The following MACROD2 variants were observed in gnomAD, a reference collection of about 807,000 sequenced individuals.
MACROD2 encodes the protein mono-ADP ribosylhydrolase 2.
MACROD2 carries 36 observed loss-of-function variants against 70.4 expected under a neutral mutation model. The observed-to-expected ratio is 0.51, with a 90% CI of 0.39 to 0.68. MACROD2 has a LOEUF of 0.68. Ranked by LOEUF, MACROD2 falls within the 30% of genes least tolerant of loss-of-function variation. The probability of loss-of-function intolerance (pLI) is 0.00; values close to 1 mark genes in which losing one functional copy is unlikely to be tolerated. For synonymous variants in MACROD2, 172 were observed against 178.8 expected (o/e 0.96, Z 0.30); for missense variants, 496 against 538.4 (o/e 0.92, Z 0.78).
intron 15 of MACROD2, among the ~76,000 whole-genome samples, chr20:16,025,331 G>A (rs2147564803): frequency 6.6e-6 from 1 of 152,272 alleles, no homozygotes; most frequent in Non-Finnish European, 1.5e-5. Flanking sequence ...TGAGATATGA[G>A]GCAAGGAGGC....
intron 3 of MACROD2, among the ~76,000 whole-genome samples, chr20:14,211,225 C>G (rs1357439567): frequency 6.6e-6 from 1 of 152,152 alleles, no homozygotes; most frequent in African/African-American, 2.4e-5. Flanking sequence ...GGCTCAGATC[C>G]TGATGTTTTC....
At chr20:15,900,765 A>G (rs2065051883) in intron 10 of MACROD2, among the ~76,000 whole-genome samples, 1 of 152,196 alleles carries the variant, frequency 6.6e-6, no homozygotes, top group Admixed American at 6.5e-5. Flanking sequence ...TCATACCCAT[A>G]GAGAAACAGT....
intron 15 of MACROD2, among the ~76,000 whole-genome samples, chr20:15,989,138 A>C (rs1272624324): frequency 6.6e-6 from 1 of 152,192 alleles, no homozygotes; most frequent in Non-Finnish European, 1.5e-5. Context: ...CATAGAATGC[A>C]CTCCATAAGT....
chr20:15,209,111 G>A (rs1055135767), intron 5 of MACROD2, among the ~76,000 whole-genome samples: 4 of 124,094 alleles, frequency 3.2e-5, no homozygotes, highest in East Asian at 2.0e-4. Flanking sequence ...TGGTGGTGGT[G>A]GTGGTATTTA....
At chr20:15,276,330 G>A (rs2146078444) in intron 6 of MACROD2, among the ~76,000 whole-genome samples, 1 of 151,812 alleles carries the variant, frequency 6.6e-6, no homozygotes, top group East Asian at 1.9e-4. Context: ...AACCCGGGAG[G>A]CGGAGCTTGC....
intron 5 of MACROD2, among the ~76,000 whole-genome samples, chr20:14,802,573 A>G (rs1354023175): frequency 6.6e-6 from 1 of 152,036 alleles, no homozygotes; most frequent in Non-Finnish European, 1.5e-5. Flanking sequence ...GAGTGTGCCT[A>G]TAAGTGTTAA....
chr20:15,162,519 A>G (rs975631390), intron 5 of MACROD2, among the ~76,000 whole-genome samples: 1 of 152,122 alleles, frequency 6.6e-6, no homozygotes, highest in Non-Finnish European at 1.5e-5. Flanking sequence ...TGAAAGTAGA[A>G]CTAAAACTCA....
At chr20:15,974,294 T>C (rs2066273526) in intron 13 of MACROD2, among the ~76,000 whole-genome samples, 1 of 151,090 alleles carries the variant, frequency 6.6e-6, no homozygotes, top group Non-Finnish European at 1.5e-5. Context: ...GAAATGAAAC[T>C]ATAAAAATAC....
At chr20:14,504,879 T>C (rs2084952146) in intron 4 of MACROD2, among the ~76,000 whole-genome samples, 1 of 152,232 alleles carries the variant, frequency 6.6e-6, no homozygotes, top group Admixed American at 6.5e-5. Flanking sequence ...AGACAATCAT[T>C]ATTCGGTGTA....
intron 4 of MACROD2, among the ~76,000 whole-genome samples, chr20:14,604,836 C>G (rs1453742500): frequency 2.0e-5 from 3 of 152,058 alleles, no homozygotes; most frequent in Non-Finnish European, 2.9e-5. Flanking sequence ...GAAGAAGATC[C>G]CCTCATACTT....
Position 15,015,454 on chromosome 20 carries a change from T to G in MACROD2, c.419-214486T>G, listed in dbSNP as rs369615621. Among the ~76,000 whole-genome samples, 5 of 152,132 alleles carry G rather than the reference T, an allele frequency of 3.3e-5. No homozygotes were observed. The South Asian group carries it at 1.0e-3, about 32-fold the overall frequency. On this transcript the variant is annotated intron_variant, in intron 5 of 17. Transcript: ENST00000684519. ...TGGTTGTTAATTTTTTTTCTACATT[T>G]TTAATCTCCTAACTATGTGTGTTTT...
chr20:14,899,121 C>G (rs1220902687), intron 5 of MACROD2, among the ~76,000 whole-genome samples: 1 of 152,170 alleles, frequency 6.6e-6, no homozygotes, highest in Non-Finnish European at 1.5e-5. Context: ...TCCTGAACTG[C>G]ACATCTGCCT....
intron 5 of MACROD2, among the ~76,000 whole-genome samples, chr20:14,911,500 C>T (rs2074026992): frequency 6.6e-6 from 1 of 152,054 alleles, no homozygotes. Flanking sequence ...GCCTCAGCCT[C>T]CCATGTAGCT....
intron 3 of MACROD2, among the ~76,000 whole-genome samples, chr20:14,107,960 G>A (rs772911348): frequency 1.4e-4 from 22 of 152,042 alleles, no homozygotes; most frequent in African/African-American, 4.3e-4. Context: ...TGGTAATAGC[G>A]CACAGAAAAA....
chr20:15,588,607 GA>G (rs1245903853), intron 8 of MACROD2, among the ~76,000 whole-genome samples: 1 of 151,932 alleles, frequency 6.6e-6, no homozygotes, highest in East Asian at 1.9e-4. Flanking sequence ...TTTTTGCCTA[GA>G]AATTTCTTCT....
chr20:15,125,291 T>G (rs2076058422), intron 5 of MACROD2, among the ~76,000 whole-genome samples: 1 of 152,034 alleles, frequency 6.6e-6, no homozygotes, highest in African/African-American at 2.4e-5. Flanking sequence ...AAATATGGCC[T>G]TAAACTCTCT....
intron 6 of MACROD2, among the ~76,000 whole-genome samples, chr20:15,313,757 T>A (rs2077779123): frequency 6.6e-6 from 1 of 152,184 alleles, no homozygotes; most frequent in Non-Finnish European, 1.5e-5. Context: ...AAGAGATAAA[T>A]GAATGTCTAT....
intron 7 of MACROD2, among the ~76,000 whole-genome samples, chr20:15,449,768 G>A (rs376302721): frequency 3.4e-4 from 52 of 152,168 alleles, no homozygotes; most frequent in African/African-American, 1.2e-3. Flanking sequence ...CAAGGTGGGC[G>A]GATCACCTGA....
At chr20:14,503,848 C>T (rs1275170626) in intron 4 of MACROD2, among the ~76,000 whole-genome samples, 1 of 152,206 alleles carries the variant, frequency 6.6e-6, no homozygotes, top group African/African-American at 2.4e-5. Context: ...TTACAAAGCT[C>T]CAGGTTTCAT....
Sources: gnomAD v4.1 joint callset for allele counts (sites outside exome capture counted in the v4.1 genomes callset) on GRCh38, gnomAD v4.1.1 for gene constraint, MANE v1.5 for transcripts, NCBI Gene and HGNC (gene_info 2026-07-23, HGNC 2026-07-21) for gene names.